Variants in LINGO1 observed in about 807,000 individuals in gnomAD.
LINGO1 encodes the protein leucine-rich repeat and immunoglobulin-like domain-containing nogo receptor-interacting protein 1.
A neutral mutation model predicts 37.3 loss-of-function variants in LINGO1; 11 were observed. The observed-to-expected ratio is 0.29, with a 90% CI of 0.19 to 0.49. LINGO1 has a LOEUF of 0.49. LINGO1 is among the 20% of genes least tolerant of loss of function. LINGO1 has a pLI of 0.99. For synonymous variants in LINGO1, 387 were observed against 403.0 expected, an observed-to-expected ratio of 0.96 and a Z score of 0.48; for missense variants, 585 against 878.2, an observed-to-expected ratio of 0.67 and a Z score of 4.22.
At chr15:77,665,073 G>A (rs2075101353) in intron 3 of LINGO1, among the ~76,000 whole-genome samples, 1 of 152,202 alleles carries the variant, frequency 6.6e-6, no homozygotes, top group South Asian at 2.1e-4. Context: ...TGTGGGCAGG[G>A]ACGCCTGGTT....
chr15:77,699,262 C>T (rs111250229), upstream of LINGO1, among the ~76,000 whole-genome samples: 444 of 56,846 alleles, frequency 7.8e-3, 4 homozygotes, highest in African/African-American at 0.027. Flanking sequence ...CAGGAAAGCA[C>T]GAGCCCAGAC....
At chr15:77,761,550 T>A (rs1373118843) in intron 1 of LINGO1, among the ~76,000 whole-genome samples, 2 of 152,216 alleles carry the variant, frequency 1.3e-5, no homozygotes, top group African/African-American at 4.8e-5. Context: ...TCCGTGACTG[T>A]GCTCCTTTGA....
chr15:77,634,213 C>T (rs934438772), upstream of LINGO1: 6 of 446,910 alleles, frequency 1.3e-5, no homozygotes, highest in Admixed American at 9.4e-5. Context: ...CCTCTCCCCA[C>T]CCCCAACAGC....
intron 1 of LINGO1, among the ~76,000 whole-genome samples, chr15:77,807,334 C>T (rs2076968464): frequency 6.6e-6 from 1 of 152,220 alleles, no homozygotes; most frequent in South Asian, 2.1e-4. Context: ...CCTGTGCATT[C>T]CCAGTGCTTG....
intron 1 of LINGO1, among the ~76,000 whole-genome samples, chr15:77,623,716 G>C (rs548034439): frequency 6.6e-6 from 1 of 152,038 alleles, no homozygotes; most frequent in Non-Finnish European, 1.5e-5. Context: ...GACCCCCATG[G>C]GGACAGAAAA....
At chr15:77,751,061 A>G (rs1371587543) in intron 1 of LINGO1, among the ~76,000 whole-genome samples, 1 of 152,078 alleles carries the variant, frequency 6.6e-6, no homozygotes, top group Admixed American at 6.5e-5. Flanking sequence ...CTGAGTATGT[A>G]CCATCTCCCT....
At chr15:77,756,958 C>A (rs975406168) in intron 1 of LINGO1, among the ~76,000 whole-genome samples, 2 of 152,230 alleles carry the variant, frequency 1.3e-5, no homozygotes, top group South Asian at 2.1e-4. Context: ...GGGGCCCCCA[C>A]CTCTGCTGTG....
chr15:77,704,521 G>GCTGAGCCCCAACCCTGGCCACACA (rs1237154934), intron 2 of LINGO1, among the ~76,000 whole-genome samples: 1 of 140,636 alleles, frequency 7.1e-6, no homozygotes, highest in African/African-American at 2.7e-5. Context: ...CTGATCACAC[G>GCTGAGCCCCAACCCTGGCCACACA]CTGAGCCCCA....
chr15:77,628,485 G>C (rs778737792), intron 1 of LINGO1, among the ~76,000 whole-genome samples: 5 of 152,048 alleles, frequency 3.3e-5, no homozygotes, highest in Non-Finnish European at 7.4e-5. Flanking sequence ...TTTTTATAAA[G>C]TTCAAAAATA....
intron 2 of LINGO1, among the ~76,000 whole-genome samples, chr15:77,794,285 T>C (rs960645601): frequency 6.5e-5 from 7 of 107,254 alleles, no homozygotes; most frequent in African/African-American, 1.8e-4. Flanking sequence ...TACATATATA[T>C]ATATGTATGT....
At chr15:77,745,591 G>A (rs1295976428) in intron 1 of LINGO1, among the ~76,000 whole-genome samples, 1 of 152,154 alleles carries the variant, frequency 6.6e-6, no homozygotes, top group Non-Finnish European at 1.5e-5. Flanking sequence ...TTTCTTCAGT[G>A]AAACCTGCAG....
At chr15:77,779,388 G>A (rs2076693127) in intron 1 of LINGO1, among the ~76,000 whole-genome samples, 1 of 152,036 alleles carries the variant, frequency 6.6e-6, no homozygotes, top group South Asian at 2.1e-4. Flanking sequence ...CATTTATTGT[G>A]CACTTGATTT....
upstream of LINGO1, among the ~76,000 whole-genome samples, chr15:77,637,414 C>T (rs989145831): frequency 4.6e-5 from 7 of 152,198 alleles, no homozygotes; most frequent in Non-Finnish European, 8.8e-5. The surrounding 1 kb of genome is among the most constrained non-coding windows in gnomAD (Gnocchi z 4.6). Flanking sequence ...TCTCCCCTTC[C>T]AGTTCAGGTC....
intron 1 of LINGO1, among the ~76,000 whole-genome samples, chr15:77,741,727 C>G (rs1027646897): frequency 6.6e-6 from 1 of 152,244 alleles, no homozygotes; most frequent in Admixed American, 6.5e-5. Flanking sequence ...GCTGCAGGCT[C>G]TGTGGGCATC....
At chr15:77,670,748 C>G (rs1046068083) in intron 3 of LINGO1, among the ~76,000 whole-genome samples, 3 of 152,230 alleles carry the variant, frequency 2.0e-5, no homozygotes, top group Non-Finnish European at 4.4e-5. Context: ...CTCGGTGCAG[C>G]AGGACCCAGG....
chr15:77,631,856 G>A (rs1033825847), intron 1 of LINGO1, among the ~76,000 whole-genome samples: 2 of 152,222 alleles, frequency 1.3e-5, no homozygotes, highest in African/African-American at 4.8e-5. Flanking sequence ...GGAGCTTGTG[G>A]AGAAACCCAG....
intron 1 of LINGO1, among the ~76,000 whole-genome samples, chr15:77,775,990 C>A: frequency 6.6e-6 from 1 of 152,148 alleles, no homozygotes; most frequent in South Asian, 2.1e-4. Context: ...GCCCATCCAT[C>A]CCTCTCAATG....
At chr15:77,645,808 G>A (rs1421112249) in intron 3 of LINGO1, among the ~76,000 whole-genome samples, 1 of 152,264 alleles carries the variant, frequency 6.6e-6, no homozygotes, top group Non-Finnish European at 1.5e-5. Flanking sequence ...AAAGCTCAAG[G>A]CCTCGCTGGT....
At chr15:77,810,562 C>T (rs1256766996) in intron 1 of LINGO1, among the ~76,000 whole-genome samples, 3 of 152,192 alleles carry the variant, frequency 2.0e-5, no homozygotes, top group Non-Finnish European at 4.4e-5. Flanking sequence ...GACTGAGAAG[C>T]CAGATGCCTG....
Sources: gnomAD v4.1 joint callset for allele counts (sites outside exome capture counted in the v4.1 genomes callset) on GRCh38, gnomAD v4.1.1 for gene constraint, Gnocchi (gnomAD v3.1) non-coding constraint, MANE v1.5 for transcripts, NCBI Gene and HGNC (gene_info 2026-07-23, HGNC 2026-07-21) for gene names.